Variants in NFIB observed in about 807,000 individuals in gnomAD.
The protein encoded by NFIB is nuclear factor 1 B-type.
In NFIB, 11 loss-of-function variants were observed where a neutral mutation model predicts 61.5. That is an observed-to-expected ratio of 0.18 (90% CI 0.11 to 0.30). NFIB has a LOEUF of 0.30. Among genes scored for constraint, NFIB ranks in the 10% least tolerant of loss-of-function variants. NFIB has a pLI of 1.00. For synonymous variants in NFIB, 260 were observed against 216.5 expected (o/e 1.20, Z -1.76); for missense variants, 471 against 608.9 (o/e 0.77, Z 2.38).
chr9:14,232,631 G>A (rs1478262893), intron 2 of NFIB, among the ~76,000 whole-genome samples: 3 of 152,144 alleles, frequency 2.0e-5, no homozygotes, highest in Non-Finnish European at 2.9e-5. Flanking sequence ...GTATTAGAGG[G>A]CTAAGGATCA....
the NFIB span, among the ~76,000 whole-genome samples, chr9:14,426,743 T>C: frequency 6.6e-6 from 1 of 152,136 alleles, no homozygotes; most frequent in Admixed American, 6.6e-5. Flanking sequence ...ATTTGTATCC[T>C]CCTTCTCTGA....
At chr9:14,309,165 AGACT>A (rs1446022214) in intron 1 of NFIB, among the ~76,000 whole-genome samples, 26 of 152,366 alleles carry the variant, frequency 1.7e-4, no homozygotes, top group Non-Finnish European at 2.5e-4. Flanking sequence ...ATTTAACAGC[AGACT>A]GACTAATTAA....
intron 3 of NFIB, among the ~76,000 whole-genome samples, chr9:14,165,609 A>T (rs1248890814): frequency 6.6e-6 from 1 of 152,196 alleles, no homozygotes; most frequent in Non-Finnish European, 1.5e-5. Context: ...ATAGAGACAA[A>T]GCAAATAATA....
At position 14,146,760 on chromosome 9, in the gene NFIB, G is replaced by A. The variant is rs767012325; in HGVS notation, c.854C>T (p.Pro285Leu). Residue 285 changes from proline to leucine, a missense_variant, in exon 6 of 11, where the codon CCT becomes CTT. By Grantham distance (98) the Pro-to-Leu change is moderately conservative. This residue lies in a region of NFIB where 372 missense variants were observed against 395.6 expected (regional missense o/e 0.94). Transcript: ENST00000380953. ...TGGAGAGGGGTAAAAGTCTCCTGTA[G>A]GACTTGGTTCCATATTTTCATCTAT... Reference protein sequence around the residue: ...ISIDENMEPSPTGDFYPSPSS... With the variant: ...ISIDENMEPSLTGDFYPSPSS... The A allele has an allele frequency of 1.9e-6, 3 of 1,607,152 alleles. No homozygotes were observed. In the African/African-American group the frequency reaches 4.0e-5, roughly 22 times the overall value.
the NFIB span, among the ~76,000 whole-genome samples, chr9:14,512,438 T>G: frequency 6.6e-6 from 1 of 152,234 alleles, no homozygotes; most frequent in East Asian, 1.9e-4. Context: ...AGACAGATAT[T>G]TATAATCATA....
chr9:14,220,453 C>T (rs1316237755), intron 2 of NFIB, among the ~76,000 whole-genome samples: 1 of 152,140 alleles, frequency 6.6e-6, no homozygotes, highest in Non-Finnish European at 1.5e-5. Context: ...TATTGAGAGG[C>T]ATCTTTACCA....
At chr9:14,480,037 T>G in the NFIB span, among the ~76,000 whole-genome samples, 2 of 151,520 alleles carry the variant, frequency 1.3e-5, no homozygotes, top group African/African-American at 4.9e-5. Context: ...GGTTTTTTTT[T>G]GTTTTGTTTT....
At position 14,299,636 on chromosome 9, in the gene NFIB, C is replaced by A. The variant is rs539653362; in HGVS notation, c.562+7353G>T. 3.7e-4 allele frequency among the ~76,000 whole-genome samples: 57 copies of A among 152,268 alleles called. 1 individual carries two copies. The South Asian group carries it at 0.011, about 30-fold the overall frequency. On this transcript the variant is annotated intron_variant, in intron 2 of 10. Transcript: ENST00000380953. ...AAAATAGGATTCTGAAAATACACAA[C>A]CTCCAGGCAACTTTTGATAGTAAAA...
chr9:14,450,774 T>A, the NFIB span, among the ~76,000 whole-genome samples: 1 of 152,264 alleles, frequency 6.6e-6, no homozygotes, highest in Non-Finnish European at 1.5e-5. Flanking sequence ...TTGTTTTATT[T>A]ATCAACCGGC....
intron 1 of NFIB, among the ~76,000 whole-genome samples, chr9:14,385,279 T>G (rs1338429523): frequency 6.6e-6 from 1 of 152,170 alleles, no homozygotes; most frequent in Non-Finnish European, 1.5e-5. Flanking sequence ...ACTGGCAAAC[T>G]TGGGACCCAA....
At chr9:14,182,708 C>CTCTCTCTGTGTGTGTGTGTG (rs778914837) in intron 2 of NFIB, among the ~76,000 whole-genome samples, 1 of 96,990 alleles carries the variant, frequency 1.0e-5, no homozygotes, top group African/African-American at 4.4e-5. Context: ...CTCTCTCTCT[C>CTCTCTCTGTGTGTGTGTGTG]TGTGTGTGTG....
At position 14,204,615 on chromosome 9, in the gene NFIB, C is replaced by T. The variant is rs935620364; in HGVS notation, c.563-24835G>A. Reference sequence around the variant, plus strand: ...TTGGCCCGGGCGGAGAAGAAAGCGCCGGCAAAGGGGACCTCCCCACTAAGA... The same window carrying T: ...TTGGCCCGGGCGGAGAAGAAAGCGCTGGCAAAGGGGACCTCCCCACTAAGA... On this transcript the variant is annotated intron_variant, in intron 2 of 10. Coordinates refer to ENST00000380953, the MANE Select transcript of NFIB (RefSeq NM_001190737.2). 23 of 788,730 alleles carry T rather than the reference C, an allele frequency of 2.9e-5. 1 individual carries two copies. Among genetic ancestry groups the T allele is most frequent in the South Asian group, 6.0e-5 (4 of 66,212 alleles). 48.9% of individuals were successfully genotyped at this position (788,730 alleles called of 1,614,324 possible).
chr9:14,525,384 T>C, the NFIB span, among the ~76,000 whole-genome samples: 1 of 152,316 alleles, frequency 6.6e-6, no homozygotes, highest in East Asian at 1.9e-4. Flanking sequence ...TTCTCTCCTC[T>C]TCTCCCCTTA....
At chr9:14,150,000 A>C in intron 5 of NFIB, 145 bp downstream of exon 5, 2 of 1,194,458 alleles carry the variant, frequency 1.7e-6, no homozygotes, top group Non-Finnish European at 2.3e-6. Context: ...AATAAATTTA[A>C]CCAGGAAAGA....
rs533188045 is a variant in NFIB, at chr9:14,203,609, G to A, written c.563-23829C>T. On this transcript the variant is annotated intron_variant, in intron 2 of 10. Transcript: ENST00000380953. ...GGGCAGGATCTAAAATGGCTGCCAA[G>A]CGGCCTCCTGAAATGTCGCCGGCCT... Among the ~76,000 whole-genome samples, 7 of 152,332 alleles carry A rather than the reference G, an allele frequency of 4.6e-5. No individual in the cohort carries two copies. In the East Asian group the frequency reaches 1.4e-3, roughly 29 times the overall value.
intron 6 of NFIB, among the ~76,000 whole-genome samples, chr9:14,143,035 C>G (rs957210892): frequency 4.6e-5 from 7 of 151,958 alleles, no homozygotes; most frequent in African/African-American, 1.4e-4. Context: ...ATTTTCATCA[C>G]TATTCATCAG....
intron 2 of NFIB, among the ~76,000 whole-genome samples, chr9:14,301,740 G>A (rs1252776425): frequency 6.6e-6 from 1 of 152,122 alleles, no homozygotes; most frequent in African/African-American, 2.4e-5. Flanking sequence ...GCTATCTTGT[G>A]GCAGAGACCT....
At position 14,167,151 on chromosome 9, in the gene NFIB, A is replaced by G. The variant is rs184923386; in HGVS notation, c.617-11258T>C. On this transcript the variant is annotated intron_variant, in intron 3 of 10. Transcript: ENST00000380953. ...ACTAATTGGAAGAGACAGAAAACAG[A>G]TCAATAAGTCATCTGAAGATGAGGG... 2.4e-4 allele frequency among the ~76,000 whole-genome samples: 36 copies of G among 151,700 alleles called. 1 individual carries two copies. In the East Asian group the frequency reaches 5.5e-3, roughly 23 times the overall value.
the NFIB span, among the ~76,000 whole-genome samples, chr9:14,503,153 AAT>A: frequency 1.8e-3 from 267 of 149,766 alleles, 1 homozygote; most frequent in African/African-American, 5.5e-3. Flanking sequence ...TATATAAAAT[AAT>A]ATATATATAT....
Sources: allele counts gnomAD v4.1 joint callset (sites outside exome capture counted in the v4.1 genomes callset), GRCh38; gene constraint gnomAD v4.1.1; regional missense constraint gnomAD v4.1.1; transcripts MANE v1.5; gene names NCBI Gene and HGNC (gene_info 2026-07-23, HGNC 2026-07-21).